Variants in STEEP1 observed in about 807,000 individuals in gnomAD.
STEEP1 encodes the protein STING ER exit protein.
STEEP1 carries 3 observed loss-of-function variants against 19.2 expected under a neutral mutation model. The ratio of observed to expected loss-of-function variants is 0.16; its 90% confidence interval spans 0.07 to 0.40. The LOEUF is 0.40. Among genes scored for constraint, STEEP1 ranks in the 10% least tolerant of loss-of-function variants. The probability of loss-of-function intolerance (pLI) is 0.99; values close to 1 mark genes in which losing one functional copy is unlikely to be tolerated. For synonymous variants in STEEP1, 46 were observed against 63.7 expected (o/e 0.72, Z 1.32); for missense variants, 54 against 177.1 (o/e 0.30, Z 3.94).
At chrX:119,546,462 A>G (rs1364348408) in intron 2 of STEEP1, among the ~76,000 whole-genome samples, 1 of 108,361 alleles carries the variant, frequency 9.2e-6, no homozygotes, top group Non-Finnish European at 1.9e-5. Context: ...AAAAAAGTAT[A>G]CATGTATTAA....
intron 5 of STEEP1, among the ~76,000 whole-genome samples, chrX:119,542,295 TG>T (rs1348485545): frequency 9.1e-6 from 1 of 109,828 alleles, no homozygotes; most frequent in Non-Finnish European, 1.9e-5. Context: ...CTTGATCTCC[TG>T]ACCTTATGAT....
intron 2 of STEEP1, among the ~76,000 whole-genome samples, chrX:119,553,384 C>G (rs190867685): frequency 1.3e-4 from 14 of 111,585 alleles, no homozygotes; most frequent in African/African-American, 1.9e-4. Context: ...GTCATTATAA[C>G]TATTTGTGGT....
chrX:119,552,650 T>C (rs927089695), intron 2 of STEEP1, among the ~76,000 whole-genome samples: 6 of 111,749 alleles, frequency 5.4e-5, no homozygotes, highest in Admixed American at 9.6e-5. Context: ...AGAGGCATGA[T>C]TGACAACCAT....
rs61558310 is a variant in STEEP1, at chrX:119,557,848, T to C, written c.242+2420A>G. 8.0e-3 allele frequency among the ~76,000 whole-genome samples: 897 copies of C among 111,916 alleles called. 11 individuals are homozygous for C. Among genetic ancestry groups the C allele is most frequent in the African/African-American group, 0.028 (860 of 30,849 alleles). ...TACCAATACCTTGATTTCAGACTTC[T>C]AGCCTCCACAACTATTAAACAACTT... On this transcript the variant is annotated intron_variant, in intron 2 of 6. Transcript: ENST00000644802.
At chrX:119,562,293 A>T (rs1283663128) in intron 1 of STEEP1, among the ~76,000 whole-genome samples, 2 of 111,628 alleles carry the variant, frequency 1.8e-5, no homozygotes, top group East Asian at 2.8e-4. Context: ...GCACTTTGGG[A>T]GGCCGAGGCT....
intron 2 of STEEP1, among the ~76,000 whole-genome samples, chrX:119,556,415 C>T (rs1296750129): frequency 9.1e-6 from 1 of 109,924 alleles, no homozygotes; most frequent in Non-Finnish European, 1.9e-5. Flanking sequence ...AACCCCGTCT[C>T]TACTAAAAAC....
rs140324885 is a variant in STEEP1 at position 119,561,951 on chromosome X, G to C, written c.125-1566C>G. The stretch of plus-strand genomic sequence containing the variant: ...TAATAAGAAGCAGAACAAGAATTCA[G>C]ACCCAACTCTAAGTGATTCAAAAGC... On this transcript the variant is annotated intron_variant, in intron 1 of 6. Transcript: ENST00000644802. Among the ~76,000 whole-genome samples, 622 of 112,651 alleles carry C rather than the reference G, an allele frequency of 5.5e-3. 2 individuals carry two copies. Among genetic ancestry groups the C allele is most frequent in the Admixed American group, 0.011 (113 of 10,613 alleles).
chrX:119,556,108 T>C (rs745633410), intron 2 of STEEP1, among the ~76,000 whole-genome samples: 1 of 111,348 alleles, frequency 9.0e-6, no homozygotes, highest in Non-Finnish European at 1.9e-5. Flanking sequence ...CCAATTATCA[T>C]GTCCATTTCC....
chrX:119,541,605 T>TG (rs989748106), intron 5 of STEEP1, among the ~76,000 whole-genome samples, 185 bp from the exon 6 acceptor site: 5 of 111,772 alleles, frequency 4.5e-5, no homozygotes, highest in African/African-American at 1.6e-4. Context: ...TTTGATTGCT[T>TG]GTTTGTTTGT....
chrX:119,565,154 C>G (rs1160635725), intron 1 of STEEP1, 78 bp downstream of exon 1: 1 of 1,133,010 alleles, frequency 8.8e-7, no homozygotes, highest in African/African-American at 1.8e-5. Flanking sequence ...GCTCCCAGAT[C>G]ACAGCCAGAG....
At chrX:119,548,406 C>T (rs1177720435) in intron 2 of STEEP1, among the ~76,000 whole-genome samples, 2 of 107,025 alleles carry the variant, frequency 1.9e-5, no homozygotes, top group East Asian at 3.0e-4. Flanking sequence ...TGGTGGCATG[C>T]GCCTGTAGTC....
chrX:119,542,444 G>A (rs2053171384), intron 5 of STEEP1, 61 bp downstream of exon 5: 1 of 831,804 alleles, frequency 1.2e-6, no homozygotes, highest in East Asian at 3.1e-5. Flanking sequence ...CCGCTCTAGA[G>A]TCCCCTTTCC....
intron 2 of STEEP1, among the ~76,000 whole-genome samples, chrX:119,558,064 A>G (rs2053294021): frequency 9.1e-6 from 1 of 109,969 alleles, no homozygotes; most frequent in South Asian, 3.9e-4. Flanking sequence ...ACGCGCCACC[A>G]TGCCCAACTA....
chrX:119,561,937 A>G (rs988861353), intron 1 of STEEP1, among the ~76,000 whole-genome samples: 3 of 112,675 alleles, frequency 2.7e-5, no homozygotes, highest in African/African-American at 9.7e-5. Flanking sequence ...AATAAGAAGC[A>G]GAACAAGAAT....
In STEEP1 at chrX:119,538,825, A is replaced by G. The variant is rs1005132204; in HGVS notation, c.*902T>C. The G allele has an allele frequency of 3.6e-5, 4 of 111,304 alleles. No homozygotes were observed. Among genetic ancestry groups the G allele is most frequent in the Non-Finnish European group, 7.5e-5 (4 of 53,084 alleles). The allele number at this position is 111,304 out of a possible 1,213,427, so 9.2% of individuals were successfully genotyped here. A position where few individuals can be genotyped will look rare whatever the true frequency, so the allele number is the denominator to read the frequency against. ...TCTGGCTTTTCCTTCTTTGAGTATA[A>G]AGTCGATACGGGATGGCTCGCCTAC... On this transcript the variant is annotated 3_prime_UTR_variant, in exon 7 of 7. Transcript: ENST00000644802.
chrX:119,553,102 G>A (rs1160924579), intron 2 of STEEP1, among the ~76,000 whole-genome samples: 2 of 105,045 alleles, frequency 1.9e-5, no homozygotes, highest in East Asian at 3.0e-4. Flanking sequence ...TACAGTGAAC[G>A]GAGATCGCGC....
At chrX:119,542,442 G>T in intron 5 of STEEP1, 63 bp downstream of exon 5, 1 of 813,400 alleles carries the variant, frequency 1.2e-6, no homozygotes, top group Non-Finnish European at 1.9e-6. Context: ...TCCCGCTCTA[G>T]AGTCCCCTTT....
intron 2 of STEEP1, among the ~76,000 whole-genome samples, chrX:119,546,640 A>G (rs1299299041): frequency 2.7e-5 from 3 of 110,531 alleles, no homozygotes; most frequent in African/African-American, 9.9e-5. Context: ...AGCCCACACA[A>G]TACCACCTTA....
chrX:119,559,419 G>A (rs2053306132), intron 2 of STEEP1, among the ~76,000 whole-genome samples: 1 of 110,824 alleles, frequency 9.0e-6, no homozygotes, highest in Admixed American at 9.7e-5. Flanking sequence ...CCTTCCACCT[G>A]GAATGCTCTT....
Sources: gnomAD v4.1 joint callset for allele counts (sites outside exome capture counted in the v4.1 genomes callset) on GRCh38, gnomAD v4.1.1 for gene constraint, MANE v1.5 for transcripts, NCBI Gene and HGNC (gene_info 2026-07-23, HGNC 2026-07-21) for gene names.